Variants in FGGY observed in about 807,000 individuals in gnomAD.
FGGY encodes the protein FGGY carbohydrate kinase domain-containing protein.
FGGY carries 72 observed loss-of-function variants against 71.3 expected under a neutral mutation model. That is an observed-to-expected ratio of 1.01 (90% CI 0.84 to 1.23). The LOEUF (loss-of-function observed/expected upper bound fraction) is 1.23. Ranked by LOEUF, FGGY falls within the 50% of genes most tolerant of loss-of-function variation. The pLI is 0.00. For synonymous variants in FGGY, 251 were observed against 250.3 expected, an observed-to-expected ratio of 1.00 and a Z score of -0.02; for missense variants, 668 against 682.3, an observed-to-expected ratio of 0.98 and a Z score of 0.23.
At chr1:59,690,558 C>T (rs924098664) in intron 14 of FGGY, among the ~76,000 whole-genome samples, 5 of 152,186 alleles carry the variant, frequency 3.3e-5, no homozygotes, top group African/African-American at 7.2e-5. Flanking sequence ...CCATCTCTTG[C>T]ACCGCCCTTA....
intron 5 of FGGY, among the ~76,000 whole-genome samples, chr1:59,380,858 G>A (rs950567923): frequency 6.6e-6 from 1 of 151,516 alleles, no homozygotes; most frequent in East Asian, 1.9e-4. Context: ...TAGACATGAA[G>A]TCCTTGCCCA....
chr1:59,302,957 T>C (rs1056937065), intron 1 of FGGY, among the ~76,000 whole-genome samples: 3 of 152,168 alleles, frequency 2.0e-5, no homozygotes, highest in Non-Finnish European at 2.9e-5. Flanking sequence ...TACATAGATA[T>C]AGGATTGTTC....
intron 8 of FGGY, among the ~76,000 whole-genome samples, chr1:59,597,592 G>A (rs1189819781): frequency 6.6e-6 from 1 of 152,140 alleles, no homozygotes; most frequent in East Asian, 1.9e-4. Context: ...TATTAACACA[G>A]GCTACATTTC....
intron 7 of FGGY, among the ~76,000 whole-genome samples, chr1:59,520,147 A>G (rs1326053432): frequency 1.3e-5 from 2 of 152,256 alleles, no homozygotes; most frequent in African/African-American, 4.8e-5. Flanking sequence ...GAACACCTCC[A>G]GTGATATTAT....
chr1:59,513,600 A>T (rs1375648265), intron 7 of FGGY, among the ~76,000 whole-genome samples: 1 of 152,230 alleles, frequency 6.6e-6, no homozygotes, highest in Non-Finnish European at 1.5e-5. Flanking sequence ...TGAAGAAATG[A>T]TCATATTGCA....
intron 11 of FGGY, among the ~76,000 whole-genome samples, chr1:59,652,672 T>G: frequency 2.1e-5 from 3 of 143,708 alleles, no homozygotes; most frequent in African/African-American, 8.1e-5. Flanking sequence ...TTTTCAAAGT[T>G]TTCAACTTCT....
In FGGY at chr1:59,706,620, GT is replaced by G. The variant is rs1558860480; in HGVS notation, c.1512+32488del. Among the ~76,000 whole-genome samples, 8 of 152,324 alleles carry G rather than the reference GT, an allele frequency of 5.3e-5. No homozygotes were observed. In the South Asian group the frequency reaches 1.7e-3, roughly 32 times the overall value. On this transcript the variant is annotated intron_variant, in intron 14 of 15. Coordinates refer to ENST00000303721, the MANE Select transcript of FGGY (RefSeq NM_018291.5). ...GGGCAAGTCAAATGGGATAATGTGT[GT>G]AATGATTGTAGGTACTCAAGAGGTG... is the stretch of plus-strand genomic sequence containing the variant.
At chr1:59,674,877 G>A (rs2097421128) in intron 14 of FGGY, among the ~76,000 whole-genome samples, 1 of 152,116 alleles carries the variant, frequency 6.6e-6, no homozygotes. Context: ...GAGCATACAG[G>A]CTCTGGCATT....
chr1:59,346,174 A>G, intron 3 of FGGY, 73 bp from the exon 4 acceptor site: 2 of 1,562,204 alleles, frequency 1.3e-6, no homozygotes, highest in Non-Finnish European at 1.8e-6. Context: ...GATCTTGGGA[A>G]TCCATAATTG....
At chr1:59,507,824 C>A (rs1196767515) in intron 6 of FGGY, among the ~76,000 whole-genome samples, 2 of 151,894 alleles carry the variant, frequency 1.3e-5, no homozygotes, top group East Asian at 1.9e-4. Flanking sequence ...CATGAGCAAC[C>A]ACGCCCGGCC....
chr1:59,495,188 C>T (rs112914851), intron 6 of FGGY, among the ~76,000 whole-genome samples: 25 of 151,978 alleles, frequency 1.6e-4, no homozygotes, highest in African/African-American at 5.8e-4. Flanking sequence ...GGTTATTTTT[C>T]GCTTGTTAAT....
At position 59,636,403 on chromosome 1, in the gene FGGY, C is replaced by T. The variant is rs1174602731; in HGVS notation, c.1074-1825C>T. Among the ~76,000 whole-genome samples the T allele has an allele frequency of 2.6e-5, 4 of 152,062 alleles. 1 individual carries two copies. In the South Asian group the frequency reaches 8.3e-4, roughly 32 times the overall value. The stretch of plus-strand genomic sequence containing the variant: ...TTGGGAGGCCGAGGTGGGCAGATCA[C>T]GAGGTCAGGAGATTGAGACCATCCT... On this transcript the variant is annotated intron_variant, in intron 10 of 15. Coordinates refer to ENST00000303721, the MANE Select transcript of FGGY (RefSeq NM_018291.5).
At chr1:59,701,633 C>T (rs1291557368) in intron 14 of FGGY, among the ~76,000 whole-genome samples, 1 of 151,964 alleles carries the variant, frequency 6.6e-6, no homozygotes, top group Non-Finnish European at 1.5e-5. Flanking sequence ...AGAAAATGTT[C>T]CAAAGGAAGT....
At chr1:59,518,613 C>G (rs143801993) in intron 7 of FGGY, among the ~76,000 whole-genome samples, 4 of 152,246 alleles carry the variant, frequency 2.6e-5, no homozygotes, top group Non-Finnish European at 5.9e-5. Flanking sequence ...TGGTGCTGTT[C>G]TCATGATAGT....
At chr1:59,512,473 G>A (rs764801943) in intron 7 of FGGY, 34 bp downstream of exon 7, 31 of 1,600,222 alleles carry the variant, frequency 1.9e-5, no homozygotes, top group Admixed American at 5.1e-5. Context: ...AGCCAAAACC[G>A]TATTCAAATG....
At chr1:59,721,031 A>G (rs1031541505) in intron 14 of FGGY, among the ~76,000 whole-genome samples, 5 of 151,982 alleles carry the variant, frequency 3.3e-5, no homozygotes, top group African/African-American at 1.2e-4. Context: ...TGATTTTTTC[A>G]TTGTTCACTC....
intron 5 of FGGY, among the ~76,000 whole-genome samples, chr1:59,434,844 G>T (rs907700084): frequency 6.6e-6 from 1 of 152,130 alleles, no homozygotes; most frequent in Admixed American, 6.5e-5. Context: ...GGAATTTTGA[G>T]GGGGGGATAC....
chr1:59,366,879 T>G (rs2056683208), intron 4 of FGGY, among the ~76,000 whole-genome samples: 1 of 152,150 alleles, frequency 6.6e-6, no homozygotes, highest in Non-Finnish European at 1.5e-5. Context: ...GGAAAGTCAA[T>G]TCAAGTAGAG....
intron 6 of FGGY, among the ~76,000 whole-genome samples, chr1:59,504,398 G>A (rs774000092): frequency 1.3e-5 from 2 of 152,174 alleles, no homozygotes; most frequent in African/African-American, 4.8e-5. Flanking sequence ...ACTTGCCACT[G>A]GTGTCTGGTG....
Sources: gnomAD v4.1 joint callset for allele counts (sites outside exome capture counted in the v4.1 genomes callset) on GRCh38, gnomAD v4.1.1 for gene constraint, MANE v1.5 for transcripts, NCBI Gene and HGNC (gene_info 2026-07-23, HGNC 2026-07-21) for gene names.